The following MRPL55 variants were observed in gnomAD, a reference collection of about 807,000 sequenced individuals.
MRPL55 encodes the protein mitochondrial ribosomal protein L55, also known as large ribosomal subunit protein mL55.
In MRPL55, 7 loss-of-function variants were observed where a neutral mutation model predicts 10.6. The ratio of observed to expected loss-of-function variants is 0.66; its 90% CI spans 0.38 to 1.24. The LOEUF is 1.24. Ranked by LOEUF, MRPL55 falls within the 50% of genes most tolerant of loss-of-function variation. MRPL55 has a pLI of 0.02. For synonymous variants in MRPL55, 57 were observed against 71.8 expected (o/e 0.79, Z 1.04); for missense variants, 148 against 180.3 (o/e 0.82, Z 1.03).
Position 228,106,725 on chromosome 1 carries a change from A to C in MRPL55, c.*35T>G. 6.3e-7 allele frequency: 1 copy of C among 1,587,400 alleles called. No homozygotes were observed. The highest frequency in any genetic ancestry group is 8.6e-7 in the Non-Finnish European group (1 of 1,162,336). On this transcript the variant is annotated 3_prime_UTR_variant, in exon 5 of 5. Coordinates refer to ENST00000336520, the MANE Select transcript of MRPL55 (RefSeq NM_181463.3). ...CGAGTGATTTAAGAACAGCCCTCCC[A>C]TCTTAGCAATGTCCCGGGGTGGCTG...
chr1:228,108,113 A>G (rs2033386428), intron 3 of MRPL55, 122 bp downstream of exon 3: 1 of 1,532,008 alleles, frequency 6.5e-7, no homozygotes, highest in African/African-American at 1.4e-5. Context: ...CTTCCAGCAC[A>G]GGGGACAGTG....
chr1:228,107,508 C>G (rs1377282271), intron 4 of MRPL55, among the ~76,000 whole-genome samples, 160 bp downstream of exon 4: 1 of 152,208 alleles, frequency 6.6e-6, no homozygotes, highest in Non-Finnish European at 1.5e-5. Flanking sequence ...GGATCTAAGC[C>G]TTCCTCCACT....
chr1:228,107,423 C>CA (rs1415981691), intron 4 of MRPL55, among the ~76,000 whole-genome samples: 1 of 152,060 alleles, frequency 6.6e-6, no homozygotes, highest in Non-Finnish European at 1.5e-5. Context: ...GACCCTGTCT[C>CA]AAAAAAATAA....
chr1:228,107,658 G>A lies in MRPL55; in HGVS notation c.228+10C>T, dbSNP rs1228591223. The A allele has an allele frequency of 6.2e-7, 1 of 1,612,224 alleles. No individual in the cohort carries two copies. The highest frequency in any genetic ancestry group is 8.5e-7 in the Non-Finnish European group (1 of 1,179,866). On this transcript the variant is annotated intron_variant, in intron 4 of 4. Transcript: ENST00000336520. ...CCGGCACCTGGAAGCACCTGGAGAG[G>A]GAAGCTTACCGCCAGCATGCGCCGT...
chr1:228,108,063 T>C lies in MRPL55; in HGVS notation c.26+172A>G. 1.3e-6 allele frequency: 2 copies of C among 1,540,398 alleles called. 1 individual carries two copies. Among genetic ancestry groups the C allele is most frequent in the South Asian group, 2.4e-5 (2 of 83,290 alleles). ...TGTGGTCAGAGGCGTTCTGGCCCCCTAGCCAGGAAGAGGCTGCCAGGCTGA... is the reference window on the plus strand; with the variant it reads ...TGTGGTCAGAGGCGTTCTGGCCCCCCAGCCAGGAAGAGGCTGCCAGGCTGA... On this transcript the variant is annotated intron_variant, in intron 3 of 4. Coordinates refer to ENST00000336520, the MANE Select transcript of MRPL55 (RefSeq NM_181463.3).
chr1:228,108,450 C>G, intron 2 of MRPL55, 132 bp from the exon 3 acceptor site: 1 of 639,938 alleles, frequency 1.6e-6, no homozygotes, highest in East Asian at 2.8e-5. Context: ...CCTCTCCCAG[C>G]AACCCTTGGA....
intron 4 of MRPL55, 49 bp downstream of exon 4, chr1:228,107,619 G>A: frequency 6.3e-7 from 1 of 1,577,024 alleles, no homozygotes; most frequent in Non-Finnish European, 8.7e-7. Context: ...CCCCACCACA[G>A]CCTCGACCCC....
Position 228,108,152 on chromosome 1 carries a change from A to T in MRPL55, c.26+83T>A. On this transcript the variant is annotated intron_variant, in intron 3 of 4. Coordinates refer to ENST00000336520, the MANE Select transcript of MRPL55 (RefSeq NM_181463.3). Reference sequence around the variant, plus strand: ...AATAGCAAGGACTAGGGAGGATTAGAATGGCGGTTTCCTGCTGAAGAGAGG... The same window carrying T: ...AATAGCAAGGACTAGGGAGGATTAGTATGGCGGTTTCCTGCTGAAGAGAGG... 1.9e-6 allele frequency: 3 copies of T among 1,550,578 alleles called. No individual in the cohort carries two copies. In the South Asian group the frequency reaches 3.6e-5, roughly 18 times the overall value.
intron 3 of MRPL55, 41 bp downstream of exon 3, chr1:228,108,194 C>T (rs1425467477): frequency 2.5e-6 from 4 of 1,600,678 alleles, no homozygotes; most frequent in Admixed American, 3.4e-5. Flanking sequence ...CTGGGGTGGC[C>T]CCTGACAGTA....
chr1:228,106,935 A>C lies in MRPL55; in HGVS notation c.229-17T>G. 2 of 1,605,406 alleles carry C rather than the reference A, an allele frequency of 1.2e-6. No individual in the cohort carries two copies. Among genetic ancestry groups the C allele is most frequent in the Non-Finnish European group, 1.7e-6 (2 of 1,174,540 alleles). On this transcript the variant is annotated splice_polypyrimidine_tract_variant and intron_variant, in intron 4 of 4. Transcript: ENST00000336520. ...TATGGGCATCTGCAGGGGACAGACC[A>C]AGTTTCGTCCATGTGGATCGAGGGA...
In MRPL55 at chr1:228,108,318, C is replaced by A. The variant is rs1160739289; in HGVS notation, c.-58G>T. On this transcript the variant is annotated splice_region_variant and 5_prime_UTR_variant, in exon 3 of 5. Coordinates refer to ENST00000336520, the MANE Select transcript of MRPL55 (RefSeq NM_181463.3). ...GGTCAGTACAGGCCCTGGCGTGCAA[C>A]CTGCTAGGCAGAGAATGAAGAGATC... 2 of 1,548,330 alleles carry A rather than the reference C, an allele frequency of 1.3e-6. No individual in the cohort carries two copies. The highest frequency in any genetic ancestry group is 1.9e-5 in the Admixed American group (1 of 51,442).
At chr1:228,108,393 G>T in intron 2 of MRPL55, 75 bp from the exon 3 acceptor site, 1 of 975,786 alleles carries the variant, frequency 1.0e-6, no homozygotes, top group Non-Finnish European at 1.5e-6. Flanking sequence ...TCAAATCCCA[G>T]CCCAGGATGC....
In MRPL55 at chr1:228,107,844, C is replaced by G. The variant is rs755320601; in HGVS notation, c.52G>C (p.Ala18Pro). 6.2e-7 allele frequency: 1 copy of G among 1,613,044 alleles called. No individual in the cohort carries two copies. Among genetic ancestry groups the G allele is most frequent in the South Asian group, 1.1e-5 (1 of 91,080 alleles). The part of the protein sequence containing the change: ...LGRLRQSTVK[A>P]TGPALRRLHT... ...AGGCGGCGGAGTGCAGGTCCGGTGG[C>G]CTTCACGGTGCTCTGCCTCAGCCGG... is the stretch of plus-strand genomic sequence containing the variant. Residue 18 changes from alanine (A) to proline (P), a missense_variant, in exon 4 of 5, where the codon GCC becomes CCC. Coordinates refer to ENST00000336520, the MANE Select transcript of MRPL55 (RefSeq NM_181463.3).
chr1:228,108,120 A>G (rs1008817384), intron 3 of MRPL55, 115 bp downstream of exon 3: 4 of 1,531,810 alleles, frequency 2.6e-6, no homozygotes, highest in Admixed American at 2.0e-5. Flanking sequence ...CACAGGGGAC[A>G]GTGGACAATA....
chr1:228,106,764 T>G lies in MRPL55; in HGVS notation c.383A>C (p.Lys128Thr). Residue 128 changes from lysine (K) to threonine (T), a missense_variant, in exon 5 of 5, where the codon AAG becomes ACG. Lys to Thr is a moderately conservative substitution (Grantham distance 78, BLOSUM62 -1). Coordinates refer to ENST00000336520, the MANE Select transcript of MRPL55 (RefSeq NM_181463.3). ...CCGGGGTGGCTGGAGCCACGGTCAC[T>G]TCTTGGTCCTGGTCCAGAACTGTCG... Reference protein sequence around the residue: ...RYRQFWTRTKK With the variant: ...RYRQFWTRTKT 6.2e-7 allele frequency: 1 copy of G among 1,611,728 alleles called. No homozygotes were observed.
intron 3 of MRPL55, 52 bp downstream of exon 3, chr1:228,108,183 C>A: frequency 6.3e-7 from 1 of 1,588,756 alleles, no homozygotes; most frequent in South Asian, 1.1e-5. Context: ...AGAGGGGTTC[C>A]CTGGGGTGGC....
intron 3 of MRPL55, 47 bp downstream of exon 3, chr1:228,108,188 G>C (rs1408585919): frequency 4.4e-6 from 7 of 1,594,364 alleles, no homozygotes; most frequent in Admixed American, 3.5e-5. Context: ...GGTTCCCTGG[G>C]GTGGCCCCTG....
Position 228,109,225 on chromosome 1 carries a change from C to G in MRPL55, c.-202G>C, listed in dbSNP as rs924703276. ...TCCCGCTGCCCGGTGGAACTAAGAC[C>G]AGGGACGAGGCCACGCAGGAGATCA... On this transcript the variant is annotated 5_prime_UTR_variant, in exon 1 of 5. Transcript: ENST00000336520. 2.6e-5 allele frequency: 4 copies of G among 152,370 alleles called. No homozygotes were observed. Among genetic ancestry groups the G allele is most frequent in the African/African-American group, 9.6e-5 (4 of 41,454 alleles). The allele number at this position is 152,370 out of a possible 1,614,324, so 9.4% of individuals were successfully genotyped here. A position where few individuals can be genotyped will look rare whatever the true frequency, so the allele number is the denominator to read the frequency against.
At chr1:228,107,139 G>A (rs1464124792) in intron 4 of MRPL55, among the ~76,000 whole-genome samples, 1 of 152,222 alleles carries the variant, frequency 6.6e-6, no homozygotes, top group Non-Finnish European at 1.5e-5. Flanking sequence ...ACAAGGCCAG[G>A]CATGATGGCT....
Sources: allele counts gnomAD v4.1 joint callset (sites outside exome capture counted in the v4.1 genomes callset), GRCh38; gene constraint gnomAD v4.1.1; transcripts MANE v1.5; gene names NCBI Gene and HGNC (gene_info 2026-07-23, HGNC 2026-07-21).